Variants in SYT14 observed in about 807,000 individuals in gnomAD.
SYT14 encodes the protein synaptotagmin-14.
A neutral mutation model predicts 74.2 loss-of-function variants in SYT14; 32 were observed. The ratio of observed to expected loss-of-function variants is 0.43; its 90% confidence interval spans 0.33 to 0.58. The LOEUF (loss-of-function observed/expected upper bound fraction) is 0.58, where lower values mean the gene tolerates loss of function less well. Among genes scored for constraint, SYT14 ranks in the 20% least tolerant of loss-of-function variants. SYT14 has a pLI of 0.05. For synonymous variants in SYT14, 298 were observed against 337.7 expected (o/e 0.88, Z 1.29); for missense variants, 791 against 981.8 (o/e 0.81, Z 2.60).
chr1:210,061,791 G>A (rs959446161), intron 5 of SYT14, among the ~76,000 whole-genome samples: 2 of 151,832 alleles, frequency 1.3e-5, no homozygotes. Context: ...TTAGAACTTT[G>A]ATTTTGTAAT....
chr1:210,100,748 A>G (rs553256729), intron 7 of SYT14, among the ~76,000 whole-genome samples: 2 of 152,192 alleles, frequency 1.3e-5, no homozygotes, highest in South Asian at 2.1e-4. Context: ...ACATTTATTA[A>G]ATGTTTGATT....
intron 6 of SYT14, among the ~76,000 whole-genome samples, chr1:210,097,865 T>C (rs2081993436): frequency 1.3e-5 from 2 of 152,126 alleles, no homozygotes. Flanking sequence ...TTATACCAAC[T>C]AGCATATAAG....
At chr1:209,946,844 G>A (rs2078830641) in intron 1 of SYT14, among the ~76,000 whole-genome samples, 1 of 152,196 alleles carries the variant, frequency 6.6e-6, no homozygotes, top group African/African-American at 2.4e-5. Context: ...AGCTTCAAAG[G>A]ACAGGCTGAC....
At chr1:210,101,380 A>T (rs2082063319) in intron 7 of SYT14, among the ~76,000 whole-genome samples, 1 of 152,096 alleles carries the variant, frequency 6.6e-6, no homozygotes, top group African/African-American at 2.4e-5. Context: ...TGAGCTTTTA[A>T]ATGTGTAAGC....
intron 7 of SYT14, 71 bp from the exon 7 acceptor site, chr1:210,155,650 A>G (rs569802368): frequency 2.1e-5 from 32 of 1,519,870 alleles, no homozygotes; most frequent in Non-Finnish European, 2.8e-5. Context: ...CCAAATAAAC[A>G]TGGCATAACA....
rs115074272 is a variant in SYT14, at chr1:210,041,104, T to C, written c.1312+19850T>C. Among the ~76,000 whole-genome samples the C allele has an allele frequency of 5.3e-3, 801 of 152,216 alleles. 11 individuals carry two copies. The highest frequency in any genetic ancestry group is 0.019 in the African/African-American group (777 of 41,544). Reference sequence around the variant, plus strand: ...AGTCAGCAGATGGCCTCAACCTGGGTAGGACAGATGGACATTGAACATTTG... The same window carrying C: ...AGTCAGCAGATGGCCTCAACCTGGGCAGGACAGATGGACATTGAACATTTG... On this transcript the variant is annotated intron_variant, in intron 5 of 9. Transcript: ENST00000637265.
intron 2 of SYT14, among the ~76,000 whole-genome samples, chr1:209,962,726 G>A (rs183437896): frequency 6.6e-6 from 1 of 152,212 alleles, no homozygotes; most frequent in Admixed American, 6.5e-5. Context: ...TGAAGTTCAA[G>A]AGATAAAGGG....
intron 2 of SYT14, among the ~76,000 whole-genome samples, chr1:209,983,746 G>C (rs535916574): frequency 3.3e-5 from 5 of 152,166 alleles, no homozygotes; most frequent in South Asian, 2.1e-4. Flanking sequence ...CTTTTATCTT[G>C]AGAATGGGCC....
At chr1:210,072,132 GATATAT>G (rs34290398) in intron 5 of SYT14, among the ~76,000 whole-genome samples, 2 of 146,270 alleles carry the variant, frequency 1.4e-5, no homozygotes, top group Admixed American at 1.4e-4. Context: ...GTTAATTAAA[GATATAT>G]ATATATATAT....
At chr1:210,154,997 T>G (rs2102710253) in intron 7 of SYT14, among the ~76,000 whole-genome samples, 1 of 152,296 alleles carries the variant, frequency 6.6e-6, no homozygotes, top group Non-Finnish European at 1.5e-5. Flanking sequence ...ATGAGGGAAG[T>G]GTGCTTATGT....
chr1:209,990,561 G>GTATATATATGTATATACA (rs2079661064), intron 2 of SYT14, among the ~76,000 whole-genome samples: 3 of 26,060 alleles, frequency 1.2e-4, no homozygotes, highest in South Asian at 1.7e-3. Flanking sequence ...ATATATATAC[G>GTATATATATGTATATACA]TATATATATG....
intron 2 of SYT14, among the ~76,000 whole-genome samples, chr1:210,005,213 A>G (rs1012104244): frequency 6.6e-6 from 1 of 152,052 alleles, no homozygotes; most frequent in African/African-American, 2.4e-5. Context: ...TAGAGTGAGC[A>G]AACAATGTTT....
intron 7 of SYT14, among the ~76,000 whole-genome samples, chr1:210,136,545 G>A (rs1311855839): frequency 2.0e-5 from 3 of 152,128 alleles, no homozygotes; most frequent in South Asian, 2.1e-4. Flanking sequence ...CAAGGTTAGC[G>A]TTTTGGCAGC....
intron 5 of SYT14, among the ~76,000 whole-genome samples, chr1:210,091,464 G>A (rs1404189090): frequency 3.3e-5 from 5 of 152,136 alleles, no homozygotes; most frequent in South Asian, 2.1e-4. Context: ...CGAGGCAGGC[G>A]GATTGCTTGA....
In SYT14 at chr1:209,971,360, A is replaced by T. The variant is rs144391436; in HGVS notation, c.-486+18604A>T. 2.6e-3 allele frequency among the ~76,000 whole-genome samples: 400 copies of T among 151,924 alleles called. 2 individuals carry two copies. Among genetic ancestry groups the T allele is most frequent in the African/African-American group, 9.1e-3 (377 of 41,524 alleles). ...ACAGTCTGACTTCCTTTTGTCCTAT[A>T]GGGATACCTTTCATTTCTTTCTCTT... On this transcript the variant is annotated intron_variant, in intron 2 of 9. Coordinates refer to ENST00000637265, the Ensembl canonical transcript of SYT14.
intron 7 of SYT14, among the ~76,000 whole-genome samples, chr1:210,148,200 C>A (rs2083080800): frequency 6.6e-6 from 1 of 152,096 alleles, no homozygotes; most frequent in African/African-American, 2.4e-5. Context: ...GATTTCAGCC[C>A]CTATCAGTAT....
At chr1:210,066,201 C>T (rs2081293069) in intron 5 of SYT14, among the ~76,000 whole-genome samples, 1 of 152,020 alleles carries the variant, frequency 6.6e-6, no homozygotes, top group South Asian at 2.1e-4. Context: ...GTGCATGTGT[C>T]TTTATAGCAG....
intron 5 of SYT14, among the ~76,000 whole-genome samples, chr1:210,060,035 G>T (rs942632205): frequency 6.6e-5 from 10 of 152,062 alleles, no homozygotes; most frequent in South Asian, 2.1e-4. Flanking sequence ...GTCTAGCATT[G>T]GTCCTTGCTA....
At chr1:210,151,898 G>C (rs1370356584) in intron 7 of SYT14, among the ~76,000 whole-genome samples, 1 of 152,110 alleles carries the variant, frequency 6.6e-6, no homozygotes, top group African/African-American at 2.4e-5. Context: ...GCATCGCTTT[G>C]TTTCTCAAAA....
Sources: gnomAD v4.1 joint callset for allele counts (sites outside exome capture counted in the v4.1 genomes callset) on GRCh38, gnomAD v4.1.1 for gene constraint, MANE v1.5 for transcripts, NCBI Gene and HGNC (gene_info 2026-07-23, HGNC 2026-07-21) for gene names.